Variants in GREB1 observed in about 807,000 individuals in gnomAD.
The protein encoded by GREB1 is protein GREB1.
In GREB1, 106 loss-of-function variants were observed where a neutral mutation model predicts 200.7. The observed-to-expected ratio is 0.53, with a 90% confidence interval of 0.45 to 0.62. The LOEUF (loss-of-function observed/expected upper bound fraction) is 0.62. Ranked by LOEUF, GREB1 falls within the 20% of genes least tolerant of loss-of-function variation. The probability of loss-of-function intolerance (pLI) is 0.00; values close to 1 mark genes in which losing one functional copy is unlikely to be tolerated. For synonymous variants in GREB1, 1,132 were observed against 1,092.4 expected (o/e 1.04, Z -0.72); for missense variants, 2,243 against 2,556.8 (o/e 0.88, Z 2.65).
Position 11,593,144 on chromosome 2 carries a change from C to T in GREB1, c.1696+18C>T, listed in dbSNP as rs1257985420. 14 of 1,523,160 alleles carry T rather than the reference C, an allele frequency of 9.2e-6. No individual in the cohort carries two copies. The highest frequency in any genetic ancestry group is 1.2e-5 in the South Asian group (1 of 81,930). 94.4% of individuals were successfully genotyped at this position (1,523,160 alleles called of 1,614,324 possible). A position where few individuals can be genotyped will look rare whatever the true frequency, so the allele number is the denominator to read the frequency against. On this transcript the variant is annotated intron_variant, in intron 11 of 32. Coordinates refer to ENST00000381486, the MANE Select transcript of GREB1 (RefSeq NM_014668.4). ...CGTCACCGGTGAGCTCTGGGCCGCGCGGCTGCGGGAAAGCCCCCTGAACGG... is the reference window on the plus strand; with the variant it reads ...CGTCACCGGTGAGCTCTGGGCCGCGTGGCTGCGGGAAAGCCCCCTGAACGG...
intron 1 of GREB1, among the ~76,000 whole-genome samples, chr2:11,494,121 C>T (rs563571833): frequency 3.9e-5 from 6 of 152,290 alleles, no homozygotes; most frequent in South Asian, 2.1e-4. Context: ...CCCAGGGTTG[C>T]GCGGCCAGCA....
At chr2:11,626,886 G>A in intron 24 of GREB1, 76 bp from the exon 25 acceptor site, 3 of 1,508,378 alleles carry the variant, frequency 2.0e-6, no homozygotes, top group Non-Finnish European at 9.2e-7. Flanking sequence ...AGCATTTTTG[G>A]TTTCTGTTTG....
intron 1 of GREB1, among the ~76,000 whole-genome samples, chr2:11,538,823 C>CTTTACTTCCTT (rs1558511702): frequency 8.7e-5 from 11 of 125,968 alleles, no homozygotes; most frequent in African/African-American, 2.3e-4. Flanking sequence ...CTTCCTCCCT[C>CTTTACTTCCTT]CCTTCCTCCC....
At chr2:11,542,409 C>T (rs1674845394) in intron 1 of GREB1, among the ~76,000 whole-genome samples, 3 of 152,056 alleles carry the variant, frequency 2.0e-5, no homozygotes, top group South Asian at 2.1e-4. Flanking sequence ...GTGGGATCAT[C>T]GGCAGAGTCA....
chr2:11,605,933 A>G (rs1194134004), intron 17 of GREB1, among the ~76,000 whole-genome samples: 1 of 152,246 alleles, frequency 6.6e-6, no homozygotes, highest in East Asian at 1.9e-4. Flanking sequence ...AGCTTTGTAT[A>G]GACATATACT....
At chr2:11,497,550 GA>G (rs1156487756) in intron 1 of GREB1, among the ~76,000 whole-genome samples, 1 of 152,216 alleles carries the variant, frequency 6.6e-6, no homozygotes, top group East Asian at 1.9e-4. Context: ...AACTATAAAA[GA>G]GTTTTCCAAA....
intron 17 of GREB1, among the ~76,000 whole-genome samples, chr2:11,605,144 CTTTTTTTTTTTTTTTTTT>C (rs3035991): frequency 1.3e-4 from 6 of 44,818 alleles, no homozygotes; most frequent in South Asian, 1.6e-3. Context: ...GAGCCTGCTT[CTTTTTTTTTTTTTTTTTT>C]TTTTTTTTTT....
intron 15 of GREB1, among the ~76,000 whole-genome samples, chr2:11,600,099 G>A (rs965882130): frequency 3.3e-5 from 5 of 152,188 alleles, no homozygotes; most frequent in Admixed American, 6.5e-5. Context: ...GAAGGACCTC[G>A]TAAAGGGTTT....
At chr2:11,607,652 G>T (rs62118318) in intron 17 of GREB1, among the ~76,000 whole-genome samples, 140,383 of 147,362 alleles carry the variant, frequency 0.95, 67,131 homozygotes, top group Non-Finnish European at 1. Context: ...ATTTATCTTA[G>T]AAAAGCACAG....
intron 1 of GREB1, among the ~76,000 whole-genome samples, chr2:11,523,641 G>A (rs957036299): frequency 1.3e-5 from 2 of 152,164 alleles, no homozygotes; most frequent in African/African-American, 4.8e-5. Flanking sequence ...CTGGTATGCC[G>A]AGCAGAAGTC....
intron 4 of GREB1, among the ~76,000 whole-genome samples, chr2:11,571,488 A>G (rs56834951): frequency 0.015 from 2,246 of 152,278 alleles, 56 homozygotes; most frequent in African/African-American, 0.05. Flanking sequence ...TATAAAGGGG[A>G]TAAAGATGTA....
Position 11,597,686 on chromosome 2 carries a change from C to T in GREB1, c.1955-95C>T. 2.8e-6 allele frequency: 3 copies of T among 1,055,950 alleles called. No individual in the cohort carries two copies. Among genetic ancestry groups the T allele is most frequent in the Non-Finnish European group, 1.5e-6 (1 of 682,208 alleles). The allele number at this position is 1,055,950 out of a possible 1,614,324, so 65.4% of individuals were successfully genotyped here. A position where few individuals can be genotyped will look rare whatever the true frequency, so the allele number is the denominator to read the frequency against. On this transcript the variant is annotated intron_variant, in intron 13 of 32. Transcript: ENST00000381486. This position sits in a 1 kb window ranked among gnomAD's most constrained non-coding sequence, Gnocchi z 4.1. ...CTCATCGCTTTGTGAATGGGGCCGT[C>T]TCCCCTGGACAGGTCTCACTGATTC...
Position 11,630,187 on chromosome 2 carries a change from T to C in GREB1, c.4611+78T>C, listed in dbSNP as rs952464057. ...TGAGCCGGGGACTAGAGACAGAGCT[T>C]CCTGTGAGGGAGTGCAGACACCGAT... On this transcript the variant is annotated intron_variant, in intron 26 of 32. Coordinates refer to ENST00000381486, the MANE Select transcript of GREB1 (RefSeq NM_014668.4). The C allele has an allele frequency of 1.2e-5, 17 of 1,427,548 alleles. No individual in the cohort carries two copies. The African/African-American group carries it at 2.2e-4, about 19-fold the overall frequency. The allele number at this position is 1,427,548 out of a possible 1,614,324, so 88.4% of individuals were successfully genotyped here. A position where few individuals can be genotyped will look rare whatever the true frequency, so the allele number is the denominator to read the frequency against.
At chr2:11,562,324 T>C in intron 2 of GREB1, 139 bp from the exon 3 acceptor site, 1 of 1,038,062 alleles carries the variant, frequency 9.6e-7, no homozygotes, top group Non-Finnish European at 1.4e-6. Flanking sequence ...TTGTTAAGGA[T>C]GGGTGGAACC....
Position 11,627,156 on chromosome 2 carries a change from G to A in GREB1, c.4449+52G>A, listed in dbSNP as rs7562399. 20,615 of 1,487,746 alleles carry A rather than the reference G, an allele frequency of 0.014. 2,232 individuals carry two copies. In the African/African-American group the frequency reaches 0.25, roughly 18 times the overall value. 92.2% of individuals were successfully genotyped at this position (1,487,746 alleles called of 1,614,324 possible). A position where few individuals can be genotyped will look rare whatever the true frequency, so the allele number is the denominator to read the frequency against. On this transcript the variant is annotated intron_variant, in intron 25 of 32. Coordinates refer to ENST00000381486, the MANE Select transcript of GREB1 (RefSeq NM_014668.4). ...CATTTCACCTTGGCTCACATTGTCC[G>A]TTCCCCTGCTCTCTCACGCTTTCAT...
Position 11,576,480 on chromosome 2 carries a change from C to T in GREB1, c.582C>T (p.Val194=). 1.2e-6 allele frequency: 2 copies of T among 1,613,902 alleles called. No individual in the cohort carries two copies. Among genetic ancestry groups the T allele is most frequent in the Non-Finnish European group, 1.7e-6 (2 of 1,179,784 alleles). ...KKQKHLKYYL[V]RNAQGTLTKG... ...AGAAACACTTGAAGTATTACCTGGT[C>T]CGTAATGCACAAGGGACTCTAACCA... The change falls in exon 5 of 33, where the codon GTC becomes GTT. Residue 194 remains valine (V), a synonymous_variant. Coordinates refer to ENST00000381486, the MANE Select transcript of GREB1 (RefSeq NM_014668.4).
chr2:11,615,116 T>C lies in GREB1; in HGVS notation c.3148T>C (p.Leu1050=), dbSNP rs1284019699. The C allele has an allele frequency of 2.5e-6, 4 of 1,613,972 alleles. No homozygotes were observed. The African/African-American group carries it at 5.3e-5, about 22-fold the overall frequency. Residue 1050 remains leucine (L), a synonymous_variant, in exon 20 of 33, where the codon TTG becomes CTG. Coordinates refer to ENST00000381486, the MANE Select transcript of GREB1 (RefSeq NM_014668.4). ...PRSLRYCDLR[L]INSSCLVRTA... ...GTCTTTGAGGTACTGTGACCTGCGA[T>C]TGATAAACTCCTCCTGCTTGGTGAG...
chr2:11,552,371 G>C (rs1675941704), intron 1 of GREB1, among the ~76,000 whole-genome samples: 1 of 152,236 alleles, frequency 6.6e-6, no homozygotes, highest in Non-Finnish European at 1.5e-5. Flanking sequence ...CACGGACAGA[G>C]AACGAGTGGT....
chr2:11,607,754 T>C (rs1266067084), intron 17 of GREB1, among the ~76,000 whole-genome samples: 6 of 151,640 alleles, frequency 4.0e-5, no homozygotes, highest in Non-Finnish European at 7.4e-5. Flanking sequence ...GTTACTGTGT[T>C]TATTAATCAG....
Sources: gnomAD v4.1 joint callset for allele counts (sites outside exome capture counted in the v4.1 genomes callset) on GRCh38, gnomAD v4.1.1 for gene constraint, Gnocchi (gnomAD v3.1) non-coding constraint, MANE v1.5 for transcripts, NCBI Gene and HGNC (gene_info 2026-07-23, HGNC 2026-07-21) for gene names.